NUP160: variants seen among roughly 807,000 people sequenced by gnomAD.
The protein encoded by NUP160 is nuclear pore complex protein Nup160.
In NUP160, 94 loss-of-function variants were observed where a neutral mutation model predicts 196.9. The ratio of observed to expected loss-of-function variants is 0.48; its 90% CI spans 0.40 to 0.57. The LOEUF (loss-of-function observed/expected upper bound fraction) is 0.57. Ranked by LOEUF, NUP160 falls within the 20% of genes least tolerant of loss-of-function variation. NUP160 has a pLI of 0.00. For missense variants in NUP160, 1,638 were observed against 1,748.3 expected (o/e 0.94, Z 1.13); for synonymous variants, 605 against 619.7 (o/e 0.98, Z 0.35).
At chr11:47,838,552 T>G (rs1365337908) in intron 4 of NUP160, among the ~76,000 whole-genome samples, 2 of 149,792 alleles carry the variant, frequency 1.3e-5, no homozygotes, top group African/African-American at 4.9e-5. Context: ...TACTAAAAAT[T>G]CAAAAATTAG....
At chr11:47,780,364 A>G in exon 35 of NUP160, 1 of 1,613,218 alleles carries the variant, frequency 6.2e-7, no homozygotes, top group Non-Finnish European at 8.5e-7. Flanking sequence ...GACTGTTGGC[A>G]CTGTTCTCTC....
chr11:47,821,603 G>A, intron 9 of NUP160, 121 bp downstream of exon 9: 1 of 687,302 alleles, frequency 1.5e-6, no homozygotes, highest in Non-Finnish European at 2.5e-6. Flanking sequence ...TAAGTGATTT[G>A]CCTGCCTCGG....
intron 7 of NUP160, among the ~76,000 whole-genome samples, chr11:47,825,515 C>T (rs188902095): frequency 3.5e-5 from 5 of 143,448 alleles, no homozygotes; most frequent in Admixed American, 2.1e-4. Context: ...TGCAGTGGTA[C>T]GATCTCGGCT....
At chr11:47,800,103 A>G (rs2097673295) in intron 23 of NUP160, among the ~76,000 whole-genome samples, 1 of 151,824 alleles carries the variant, frequency 6.6e-6, no homozygotes, top group African/African-American at 2.4e-5. Context: ...AAAATACAAA[A>G]ATTAGTGGGG....
At chr11:47,806,096 G>T (rs2097677428) in intron 20 of NUP160, 57 bp downstream of exon 20, 1 of 1,545,804 alleles carries the variant, frequency 6.5e-7, no homozygotes, top group South Asian at 1.1e-5. Flanking sequence ...TTACAGGTGT[G>T]AGCCAACATG....
At chr11:47,820,605 T>C (rs1851837631) in intron 9 of NUP160, among the ~76,000 whole-genome samples, 1 of 151,820 alleles carries the variant, frequency 6.6e-6, no homozygotes, top group African/African-American at 2.4e-5. Flanking sequence ...TAGGCTGGAG[T>C]GAATGGCATG....
intron 8 of NUP160, 75 bp from the exon 9 acceptor site, chr11:47,821,896 CAGT>C: frequency 8.3e-7 from 1 of 1,212,032 alleles, no homozygotes; most frequent in Non-Finnish European, 1.2e-6. Context: ...ACTTTTTCAT[CAGT>C]AGGAGAGGTA....
intron 19 of NUP160, among the ~76,000 whole-genome samples, chr11:47,806,852 C>CATATATAT (rs750485693): frequency 2.4e-5 from 3 of 124,252 alleles, no homozygotes; most frequent in African/African-American, 9.5e-5. Context: ...CACACACACA[C>CATATATAT]ATATATATAC....
At chr11:47,789,769 T>C (rs544106072) in intron 29 of NUP160, among the ~76,000 whole-genome samples, 2 of 152,084 alleles carry the variant, frequency 1.3e-5, no homozygotes, top group South Asian at 4.1e-4. Context: ...ATTGCATGTA[T>C]AGTTGACCCT....
Position 47,792,770 on chromosome 11 carries a change from T to C in NUP160, c.3450+16A>G, listed in dbSNP as rs1454117821. On this transcript the variant is annotated intron_variant, in intron 28 of 35. Transcript: ENST00000378460. ...CAGGATGAACCCCCAAATTCCAGGA[T>C]GAAATGTTTTCATACCACTGCACCA... 1.9e-6 allele frequency: 3 copies of C among 1,578,996 alleles called. No homozygotes were observed. The highest frequency in any genetic ancestry group is 2.6e-6 in the Non-Finnish European group (3 of 1,162,360).
intron 28 of NUP160, chr11:47,792,238 C>A: frequency 2.5e-6 from 1 of 405,194 alleles, no homozygotes; most frequent in Non-Finnish European, 4.4e-6. Flanking sequence ...TGTAAATCAA[C>A]TAATTTTTCT....
At chr11:47,844,421 T>C (rs1471030543) in intron 2 of NUP160, among the ~76,000 whole-genome samples, 1 of 152,108 alleles carries the variant, frequency 6.6e-6, no homozygotes, top group Non-Finnish European at 1.5e-5. Flanking sequence ...GGCCCTCAAC[T>C]ATCTCTTTCT....
intron 7 of NUP160, among the ~76,000 whole-genome samples, chr11:47,831,618 C>A (rs937195284): frequency 6.6e-6 from 1 of 151,176 alleles, no homozygotes; most frequent in Non-Finnish European, 1.5e-5. Context: ...CCGAGGCAGG[C>A]GGATTACCTG....
chr11:47,814,014 T>C (rs1599327174), intron 13 of NUP160, among the ~76,000 whole-genome samples: 1 of 132,838 alleles, frequency 7.5e-6, no homozygotes, highest in Non-Finnish European at 1.5e-5. Context: ...GAGGTTGCAG[T>C]GTGTTGAGAT....
At position 47,839,594 on chromosome 11, in the gene NUP160, T is replaced by A. The variant is rs902656825; in HGVS notation, c.748+249A>T. On this transcript the variant is annotated intron_variant, in intron 4 of 35. Coordinates refer to ENST00000378460, the Ensembl canonical transcript of NUP160. The stretch of plus-strand genomic sequence containing the variant: ...TCAGGGCAGACAATTAGGCAACCCA[T>A]CTCTACTACAAGATTTAGAATAGGC... 8 of 467,216 alleles carry A rather than the reference T, an allele frequency of 1.7e-5. No homozygotes were observed. The Admixed American group carries it at 2.9e-4, about 17-fold the overall frequency. The allele number at this position is 467,216 out of a possible 1,614,324, so 28.9% of individuals were successfully genotyped here. A position where few individuals can be genotyped will look rare whatever the true frequency, so the allele number is the denominator to read the frequency against.
At chr11:47,808,968 G>GCCA in intron 17 of NUP160, among the ~76,000 whole-genome samples, 1 of 152,072 alleles carries the variant, frequency 6.6e-6, no homozygotes. Context: ...AGGCATGGTG[G>GCCA]TGGGCGCCTG....
chr11:47,821,803 CAA>C lies in NUP160; in HGVS notation c.1196_1197del (p.Phe399CysfsTer13). The C allele has an allele frequency of 6.2e-7, 1 of 1,613,540 alleles. No individual in the cohort carries two copies. Among genetic ancestry groups the C allele is most frequent in the Non-Finnish European group, 8.5e-7 (1 of 1,179,648 alleles). ...GCCCAGATATCCGTGGAAGTTAAGG[CAA>C]AGTCAATCAGTGTCTCCTAGGAGGA... On this transcript the variant is annotated frameshift_variant, in exon 9 of 36. Transcript: ENST00000378460. LOFTEE classifies it high-confidence loss of function.
chr11:47,797,528 T>C (rs2097671549), intron 27 of NUP160, among the ~76,000 whole-genome samples: 1 of 152,196 alleles, frequency 6.6e-6, no homozygotes, highest in Non-Finnish European at 1.5e-5. Flanking sequence ...TGTAAGCCAC[T>C]GCGCCCAGTG....
chr11:47,779,293 A>T (rs776535594), intron 35 of NUP160, 99 bp from the exon 36 acceptor site: 1 of 723,448 alleles, frequency 1.4e-6, no homozygotes, highest in South Asian at 1.8e-5. Context: ...ATTCCACCTT[A>T]TAAAGATGTT....
Sources: allele counts gnomAD v4.1 joint callset (sites outside exome capture counted in the v4.1 genomes callset), GRCh38; gene constraint gnomAD v4.1.1; transcripts MANE v1.5; gene names NCBI Gene and HGNC (gene_info 2026-07-23, HGNC 2026-07-21).